CDC42BPG: variants seen among roughly 807,000 people sequenced by gnomAD.
The protein encoded by CDC42BPG is CDC42 binding protein kinase gamma, also known as serine/threonine-protein kinase MRCK gamma.
CDC42BPG carries 157 observed loss-of-function variants against 192.2 expected under a neutral mutation model. The observed-to-expected ratio is 0.82, with a 90% confidence interval of 0.72 to 0.93. The LOEUF is 0.93. Ranked by LOEUF, CDC42BPG falls within the 40% of genes least tolerant of loss-of-function variation. CDC42BPG has a pLI of 0.00. For synonymous variants in CDC42BPG, 981 were observed against 918.5 expected (o/e 1.07, Z -1.23); for missense variants, 1,992 against 2,122.1 (o/e 0.94, Z 1.20).
At position 64,833,332 on chromosome 11, in the gene CDC42BPG, C is replaced by G. The variant is rs756069996; in HGVS notation, c.2630G>C (p.Gly877Ala). ...ASTEGLPAKPGSHTLRPRSFP... is the reference protein window; with the variant it reads ...ASTEGLPAKPASHTLRPRSFP... ...GCTCCGGGGGCGCAGCGTGTGTGAGCCGGGCTGGGGAGGGGGACAGCCATT... is the reference window on the plus strand; with the variant it reads ...GCTCCGGGGGCGCAGCGTGTGTGAGGCGGGCTGGGGAGGGGGACAGCCATT... Residue 877 changes from glycine (G) to alanine (A), a missense_variant, in exon 24 of 37, where the codon GGC (glycine) becomes GCC (alanine). By Grantham distance (60) the Gly-to-Ala change is moderately conservative (BLOSUM62 0). Around this residue, in one of 2 missense-constraint regions of CDC42BPG, gnomAD observed 1,656 missense variants for 1,844.3 expected, o/e 0.90. Coordinates refer to ENST00000342711, the MANE Select transcript of CDC42BPG (RefSeq NM_017525.3). 1.1e-5 allele frequency: 17 copies of G among 1,507,748 alleles called. No individual in the cohort carries two copies. The South Asian group carries it at 1.5e-4, about 13-fold the overall frequency. The allele number at this position is 1,507,748 out of a possible 1,614,324, so 93.4% of individuals were successfully genotyped here.
At chr11:64,828,514 G>A (rs563869510) in intron 30 of CDC42BPG, among the ~76,000 whole-genome samples, 47 of 152,310 alleles carry the variant, frequency 3.1e-4, no homozygotes, top group African/African-American at 9.4e-4. Context: ...GAAGCAGGGC[G>A]GGGAGCACGA....
chr11:64,835,333 T>C lies in CDC42BPG; in HGVS notation c.1953+14A>G, dbSNP rs753872325. On this transcript the variant is annotated intron_variant, in intron 16 of 36. Transcript: ENST00000342711. ...TCCGTCTGTTGTACCCTCCGTCTGT[T>C]GTACCCTGCTCACCCGCTCCTGCTC... 4.3e-6 allele frequency: 7 copies of C among 1,613,444 alleles called. No homozygotes were observed. Among genetic ancestry groups the C allele is most frequent in the Admixed American group, 3.3e-5 (2 of 60,028 alleles).
At position 64,841,413 on chromosome 11, in the gene CDC42BPG, T is replaced by C. The variant is rs147482419; in HGVS notation, c.336+237A>G. On this transcript the variant is annotated intron_variant, in intron 3 of 36. Transcript: ENST00000342711. ...GTTGCAGTGAGCCAAGATAGCACCG[T>C]TGAACTCCAGCCTAGTTGACAGAGC... Among the ~76,000 whole-genome samples, 256 of 151,722 alleles carry C rather than the reference T, an allele frequency of 1.7e-3. 1 individual carries two copies. Among genetic ancestry groups the C allele is most frequent in the African/African-American group, 5.5e-3 (228 of 41,338 alleles).
At chr11:64,837,953 C>T (rs1057062884) in intron 9 of CDC42BPG, 130 bp downstream of exon 9, 1 of 782,326 alleles carries the variant, frequency 1.3e-6, no homozygotes, top group Non-Finnish European at 2.2e-6. Context: ...AGGGCTAGAG[C>T]ACCTGCCACA....
intron 6 of CDC42BPG, 74 bp from the exon 7 acceptor site, chr11:64,839,307 C>T: frequency 1.9e-6 from 3 of 1,571,996 alleles, no homozygotes; most frequent in Non-Finnish European, 2.6e-6. Context: ...CGCGATGGCC[C>T]TGTCACCCCT....
chr11:64,835,017 T>TGCCCCCCC, intron 17 of CDC42BPG, 30 bp downstream of exon 17: 1 of 1,571,952 alleles, frequency 6.4e-7, no homozygotes, highest in Non-Finnish European at 8.7e-7. Context: ...TCGCCTGCGT[T>TGCCCCCCC]CCCCACCCCG....
At chr11:64,843,012 A>G (rs903240805) in intron 1 of CDC42BPG, among the ~76,000 whole-genome samples, 1 of 151,674 alleles carries the variant, frequency 6.6e-6, no homozygotes, top group African/African-American at 2.4e-5. Context: ...GCTGGGGAGG[A>G]GCAGCCCCGG....
At chr11:64,837,139 G>C in intron 9 of CDC42BPG, 120 bp from the exon 10 acceptor site, 4 of 874,988 alleles carry the variant, frequency 4.6e-6, no homozygotes, top group Non-Finnish European at 7.4e-6. Flanking sequence ...CTGCCCTCGG[G>C]AGACCCCAGA....
chr11:64,825,620 G>A (rs188896839), intron 36 of CDC42BPG, among the ~76,000 whole-genome samples: 1 of 152,278 alleles, frequency 6.6e-6, no homozygotes, highest in African/African-American at 2.4e-5. Flanking sequence ...CTGGTGTGAC[G>A]GGAGTGGGTG....
At chr11:64,843,885 G>A (rs1228358910) in intron 1 of CDC42BPG, among the ~76,000 whole-genome samples, 1 of 152,196 alleles carries the variant, frequency 6.6e-6, no homozygotes, top group Admixed American at 6.5e-5. Flanking sequence ...TGTGTTGGTG[G>A]GGGGAAGGTC....
In CDC42BPG at chr11:64,827,282, G is replaced by A; in HGVS notation, c.4267C>T (p.Arg1423Cys). ...RVSEEQQKQQRREMLKDPFVR... is the reference protein window; with the variant it reads ...RVSEEQQKQQCREMLKDPFVR... The stretch of plus-strand genomic sequence containing the variant: ...CCCCGCGTCGTGCACGCGCACCTGC[G>A]CTGCTGCTTCTGCTGCTCCTCCGAC... The change falls in exon 33 of 37, where the codon CGC (arginine) becomes TGC (cysteine). Residue 1423 changes from arginine (R) to cysteine (C), a missense_variant. Arg to Cys is a radical substitution (Grantham distance 180). Around this residue, in one of 2 missense-constraint regions of CDC42BPG, gnomAD observed 336 missense variants for 277.9 expected, o/e 1.21. Coordinates refer to ENST00000342711, the MANE Select transcript of CDC42BPG (RefSeq NM_017525.3). The A allele has an allele frequency of 6.2e-7, 1 of 1,613,766 alleles. No homozygotes were observed. The highest frequency in any genetic ancestry group is 8.5e-7 in the Non-Finnish European group (1 of 1,179,888).
rs369100000 is a variant in CDC42BPG at position 64,829,837 on chromosome 11, G to A, written c.3601C>T (p.Arg1201Cys). ...CCCAGCTGGTAGCAGAGCACCTGGC[G>A]CTTGACGGCTACACAGAGCACCGGG... ...RTPVLCVAVKRQVLCYQLGPG... is the reference protein window; with the variant it reads ...RTPVLCVAVKCQVLCYQLGPG... Residue 1201 changes from arginine to cysteine, a missense_variant, in exon 30 of 37, where the codon CGC becomes TGC. This residue lies in a region of CDC42BPG where 1,656 missense variants were observed against 1,844.3 expected (regional missense o/e 0.90). Transcript: ENST00000342711. 13 of 1,606,066 alleles carry A rather than the reference G, an allele frequency of 8.1e-6. 1 individual carries two copies. The highest frequency in any genetic ancestry group is 3.3e-5 in the South Asian group (3 of 90,490).
In CDC42BPG at chr11:64,823,794, T is replaced by A. The variant is rs1942324530; in HGVS notation, c.*679A>T. 1 of 153,510 alleles carries A rather than the reference T, an allele frequency of 6.5e-6. No individual in the cohort carries two copies. Among genetic ancestry groups the A allele is most frequent in the Non-Finnish European group, 1.5e-5 (1 of 68,938 alleles). 9.5% of individuals were successfully genotyped at this position (153,510 alleles called of 1,614,324 possible). A position where few individuals can be genotyped will look rare whatever the true frequency, so the allele number is the denominator to read the frequency against. Reference sequence around the variant, plus strand: ...ACCCCTCCCCAGAGAAAGGACCCTTTGTTCTCCAGACTCCCTCTCTCCTCC... The same window carrying A: ...ACCCCTCCCCAGAGAAAGGACCCTTAGTTCTCCAGACTCCCTCTCTCCTCC... On this transcript the variant is annotated 3_prime_UTR_variant, in exon 37 of 37. Coordinates refer to ENST00000342711, the MANE Select transcript of CDC42BPG (RefSeq NM_017525.3).
At position 64,841,889 on chromosome 11, in the gene CDC42BPG, G is replaced by T; in HGVS notation, c.176C>A (p.Ser59Ter). 6.2e-7 allele frequency: 1 copy of T among 1,609,566 alleles called. No homozygotes were observed. Among genetic ancestry groups the T allele is most frequent in the South Asian group, 1.1e-5 (1 of 90,354 alleles). ...CTGCAGACGCAGTTCTTTCACCTTT[G>T]ATACGAAGGGGCTGGCTGAGGGGAC... ...QFLSWASPFV[S>*]KVKELRLQRD... The change falls in exon 2 of 37, where the codon TCA becomes TAA. Residue 59 changes from serine (S) to a stop codon, truncating the protein, a stop_gained. Coordinates refer to ENST00000342711, the MANE Select transcript of CDC42BPG (RefSeq NM_017525.3). LOFTEE classifies it high-confidence loss of function.
In CDC42BPG at chr11:64,839,172, A is replaced by G. The variant is rs1943164245; in HGVS notation, c.737T>C (p.Met246Thr). ...DYISPEILQA[M>T]EEGKGHYGPQ... is the part of the protein sequence containing the mutation. ...GCCGTAGTGGCCCTTGCCCTCCTCC[A>G]TGGCCTGCAGGATCTCAGGGGAGAT... Residue 246 changes from methionine to threonine, a missense_variant, in exon 7 of 37, where the codon ATG (methionine) becomes ACG (threonine). By Grantham distance (81) the Met-to-Thr change is moderately conservative. Coordinates refer to ENST00000342711, the MANE Select transcript of CDC42BPG (RefSeq NM_017525.3). 6.2e-7 allele frequency: 1 copy of G among 1,613,384 alleles called. No homozygotes were observed. Among genetic ancestry groups the G allele is most frequent in the African/African-American group, 1.3e-5 (1 of 75,036 alleles).
Position 64,832,976 on chromosome 11 carries a change from G to A in CDC42BPG, c.2732-17C>T, listed in dbSNP as rs1200614976. The A allele has an allele frequency of 1.3e-6, 2 of 1,515,338 alleles. No homozygotes were observed. The highest frequency in any genetic ancestry group is 2.6e-5 in the South Asian group (2 of 77,428). The allele number at this position is 1,515,338 out of a possible 1,614,324, so 93.9% of individuals were successfully genotyped here. ...AGCCGCAGGCTGTGGGGAAAGTGGA[G>A]AAGGTGGATGAGGTGAGGCTGGGAG... On this transcript the variant is annotated splice_polypyrimidine_tract_variant and intron_variant, in intron 24 of 36. Coordinates refer to ENST00000342711, the MANE Select transcript of CDC42BPG (RefSeq NM_017525.3).
In CDC42BPG at chr11:64,838,724, T is replaced by G. The variant is rs778948828; in HGVS notation, c.1055A>C (p.Tyr352Ser). The change falls in exon 8 of 37, where the codon TAT becomes TCT. Residue 352 changes from tyrosine (Y) to serine (S), a missense_variant. Around this residue, in one of 2 missense-constraint regions of CDC42BPG, gnomAD observed 1,656 missense variants for 1,844.3 expected, o/e 0.90. Coordinates refer to ENST00000342711, the MANE Select transcript of CDC42BPG (RefSeq NM_017525.3). ...CATGGGCCCCCGCAGCTCAGGAATA[T>G]AGGGGGCCGTGCTGCTCGCCAGCCG... ...WERLASSTAP[Y>S]IPELRGPMDT... The G allele has an allele frequency of 5.0e-6, 8 of 1,613,010 alleles. No homozygotes were observed. Among genetic ancestry groups the G allele is most frequent in the Non-Finnish European group, 6.8e-6 (8 of 1,180,002 alleles).
rs779735159 is a variant in CDC42BPG at position 64,835,348 on chromosome 11, C to T, written c.1952G>A (p.Arg651Gln). Reference sequence around the variant, plus strand: ...CTCCGTCTGTTGTACCCTGCTCACCCGCTCCTGCTCCCGGCTCAGCCTCCG... The same window carrying T: ...CTCCGTCTGTTGTACCCTGCTCACCTGCTCCTGCTCCCGGCTCAGCCTCCG... ...ENRRLSREQE[R>Q]LEAELAQEQE... The change falls in exon 16 of 37, where the codon CGG becomes CAG. Residue 651 changes from arginine (R) to glutamine (Q), a missense_variant and splice_region_variant. Arg to Gln is a conservative substitution (Grantham distance 43). This residue lies in a region of CDC42BPG where 1,656 missense variants were observed against 1,844.3 expected (regional missense o/e 0.90). Transcript: ENST00000342711. 16 of 1,613,916 alleles carry T rather than the reference C, an allele frequency of 9.9e-6. No individual in the cohort carries two copies. Among genetic ancestry groups the T allele is most frequent in the Non-Finnish European group, 1.3e-5 (15 of 1,180,026 alleles).
At position 64,836,784 on chromosome 11, in the gene CDC42BPG, C is replaced by G; in HGVS notation, c.1339G>C (p.Glu447Gln). 4 of 1,592,002 alleles carry G rather than the reference C, an allele frequency of 2.5e-6. No homozygotes were observed. The highest frequency in any genetic ancestry group is 3.4e-6 in the Non-Finnish European group (4 of 1,170,378). Residue 447 changes from glutamate (E) to glutamine (Q), a missense_variant, in exon 11 of 37, where the codon GAG (glutamate) becomes CAG (glutamine). Coordinates refer to ENST00000342711, the MANE Select transcript of CDC42BPG (RefSeq NM_017525.3). ...GTCTGCACTTCCTTCCGTAGCTGCT[C>G]CAGCTCCCGATGGTCTGTGGGGGCG... is the stretch of plus-strand genomic sequence containing the variant. ...LHAPTDHRELEQLRKEVQTLR... is the reference protein window; with the variant it reads ...LHAPTDHRELQQLRKEVQTLR...
Sources: gnomAD v4.1 joint callset for allele counts (sites outside exome capture counted in the v4.1 genomes callset) on GRCh38, gnomAD v4.1.1 for gene constraint, gnomAD v4.1.1 regional missense constraint, MANE v1.5 for transcripts, NCBI Gene and HGNC (gene_info 2026-07-23, HGNC 2026-07-21) for gene names.